Variants in KCNJ5 observed in about 807,000 individuals in gnomAD.
KCNJ5 encodes the protein potassium inwardly rectifying channel subfamily J member 5.
In KCNJ5, 12 loss-of-function variants were observed where a neutral mutation model predicts 20.2. The ratio of observed to expected loss-of-function variants is 0.59; its 90% CI spans 0.38 to 0.96. KCNJ5 has a LOEUF of 0.96. Among genes scored for constraint, KCNJ5 ranks in the 40% least tolerant of loss-of-function variants. The pLI is 0.00. For missense variants in KCNJ5, 449 were observed against 557.6 expected, an observed-to-expected ratio of 0.81 and a Z score of 1.96; for synonymous variants, 210 against 213.9, an observed-to-expected ratio of 0.98 and a Z score of 0.16.
In KCNJ5 at chr11:128,912,041, C is replaced by T. The variant is rs145981328; in HGVS notation, c.768C>T (p.Asp256=). The T allele has an allele frequency of 2.2e-5, 36 of 1,613,960 alleles. No homozygotes were observed. The highest frequency in any genetic ancestry group is 3.0e-5 in the Non-Finnish European group (35 of 1,179,892). The change falls in exon 2 of 3, where the codon GAC becomes GAT. Residue 256 remains aspartate (D), a synonymous_variant. Transcript: ENST00000529694. ...AGTTCATCCCCCTGAACCAGACAGA[C>T]ATCAACGTGGGCTTTGACACGGGCG... ...EGEFIPLNQT[D]INVGFDTGDD...
intron 1 of KCNJ5, chr11:128,903,295 T>C (rs1944323427): frequency 1.9e-6 from 3 of 1,544,806 alleles, no homozygotes; most frequent in Admixed American, 1.8e-5. Context: ...GAAAGCCTAC[T>C]AATTGCACGT....
At position 128,917,923 on chromosome 11, in the gene KCNJ5, C is replaced by G. The variant is rs1371512983; in HGVS notation, c.*1192C>G. 6.6e-6 allele frequency: 1 copy of G among 152,576 alleles called. No individual in the cohort carries two copies. The highest frequency in any genetic ancestry group is 1.5e-5 in the Non-Finnish European group (1 of 68,436). The allele number at this position is 152,576 out of a possible 1,614,324, so 9.5% of individuals were successfully genotyped here. ...ACAAAAAATTAGCCAGGCATGGTGG[C>G]AGGTGCCTGTAGTCCCAGCTACTCG... On this transcript the variant is annotated 3_prime_UTR_variant, in exon 3 of 3. Transcript: ENST00000529694.
Position 128,911,845 on chromosome 11 carries a change from G to C in KCNJ5, c.572G>C (p.Ser191Thr). The C allele has an allele frequency of 6.2e-7, 1 of 1,614,100 alleles. No homozygotes were observed. The highest frequency in any genetic ancestry group is 8.5e-7 in the Non-Finnish European group (1 of 1,179,964). Residue 191 changes from serine to threonine, a missense_variant, in exon 2 of 3, where the codon AGC (serine) becomes ACC (threonine). Physicochemically the swap from Ser to Thr is moderately conservative, Grantham distance 58 (BLOSUM62 1). This residue lies in a region of KCNJ5 where 203 missense variants were observed against 258.0 expected (regional missense o/e 0.79). Transcript: ENST00000529694. The surrounding 1 kb of genome is among the most constrained non-coding windows in gnomAD (Gnocchi z 6.3). ...FMVGCMFVKI[S>T]QPKKRAETLM... is the part of the protein sequence containing the mutation. ...GTGGGGTGCATGTTTGTCAAGATCA[G>C]CCAGCCCAAGAAGAGAGCGGAGACC...
In KCNJ5 at chr11:128,917,082, C is replaced by A. The variant is rs1944596121; in HGVS notation, c.*351C>A. 5.1e-6 allele frequency: 1 copy of A among 194,408 alleles called. No individual in the cohort carries two copies. Among genetic ancestry groups the A allele is most frequent in the African/African-American group, 2.7e-5 (1 of 37,436 alleles). 12.0% of individuals were successfully genotyped at this position (194,408 alleles called of 1,614,324 possible). ...TCTCACAGACCCCTCCAGGGGCTGA[C>A]ACCTAGAGAGAACCATCACCTTGTC... On this transcript the variant is annotated 3_prime_UTR_variant, in exon 3 of 3. Transcript: ENST00000529694.
intron 1 of KCNJ5, among the ~76,000 whole-genome samples, chr11:128,893,118 G>T (rs1773950840): frequency 6.6e-6 from 1 of 152,224 alleles, no homozygotes; most frequent in Admixed American, 6.5e-5. Context: ...GAACGAACAG[G>T]GCAGAGCAAA....
intron 1 of KCNJ5, chr11:128,905,922 T>G (rs1778879963): frequency 6.6e-6 from 1 of 152,114 alleles, no homozygotes; most frequent in African/African-American, 2.4e-5. Context: ...GTTTTCCCCT[T>G]TTGTAAACTG....
rs1236588383 is a variant in KCNJ5 at position 128,891,532 on chromosome 11, G to C, written c.-200G>C. On this transcript the variant is annotated 5_prime_UTR_variant, in exon 1 of 3. Coordinates refer to ENST00000529694, the MANE Select transcript of KCNJ5 (RefSeq NM_000890.5). ...AGTGACCCAAGGGGCCGCGAGTGAAGGGACAGGATGGCTTAGGTACCTCTG... is the reference window on the plus strand; with the variant it reads ...AGTGACCCAAGGGGCCGCGAGTGAACGGACAGGATGGCTTAGGTACCTCTG... 1.3e-5 allele frequency: 2 copies of C among 152,164 alleles called. No homozygotes were observed. Among genetic ancestry groups the C allele is most frequent in the African/African-American group, 4.8e-5 (2 of 41,304 alleles). The allele number at this position is 152,164 out of a possible 1,614,324, so 9.4% of individuals were successfully genotyped here. A position where few individuals can be genotyped will look rare whatever the true frequency, so the allele number is the denominator to read the frequency against.
At chr11:128,897,437 A>G (rs1453063347) in intron 1 of KCNJ5, among the ~76,000 whole-genome samples, 1 of 152,070 alleles carries the variant, frequency 6.6e-6, no homozygotes, top group East Asian at 1.9e-4. Flanking sequence ...CCCCCCATAT[A>G]TCCTCCTTAG....
chr11:128,915,791 T>TTGGA (rs199516705), intron 2 of KCNJ5, among the ~76,000 whole-genome samples: 15,051 of 147,938 alleles, frequency 0.1, 772 homozygotes, highest in East Asian at 0.22. Flanking sequence ...GTATGGATAA[T>TTGGA]TGGATGGATG....
At chr11:128,903,741 C>T (rs78517427) in intron 1 of KCNJ5, among the ~76,000 whole-genome samples, 2,257 of 152,198 alleles carry the variant, frequency 0.015, 48 homozygotes, top group African/African-American at 0.051. Flanking sequence ...TTAGAAACAC[C>T]GAGGAGCAGC....
At chr11:128,892,598 G>A (rs1281942319) in intron 1 of KCNJ5, among the ~76,000 whole-genome samples, 1 of 152,210 alleles carries the variant, frequency 6.6e-6, no homozygotes, top group Non-Finnish European at 1.5e-5. Context: ...CTTTTAATAA[G>A]CTGAGATTAT....
rs1944634340 is a variant in KCNJ5 at position 128,919,265 on chromosome 11, C to G, written c.*2534C>G. 1 of 152,492 alleles carries G rather than the reference C, an allele frequency of 6.6e-6. No homozygotes were observed. Among genetic ancestry groups the G allele is most frequent in the Non-Finnish European group, 1.5e-5 (1 of 68,242 alleles). The allele number at this position is 152,492 out of a possible 1,614,324, so 9.4% of individuals were successfully genotyped here. On this transcript the variant is annotated 3_prime_UTR_variant, in exon 3 of 3. Transcript: ENST00000529694. ...TCATTTATGACTCTGAAACATCCCC[C>G]ACCTGACCAAGGGAGCCACTCTCCA...
intron 1 of KCNJ5, chr11:128,902,807 C>T: frequency 1.4e-6 from 2 of 1,395,076 alleles, no homozygotes; most frequent in Non-Finnish European, 1.9e-6. Flanking sequence ...CGCAGCCCAA[C>T]ATGTCCATGG....
chr11:128,897,081 T>C (rs1944188734), intron 1 of KCNJ5, among the ~76,000 whole-genome samples: 1 of 149,224 alleles, frequency 6.7e-6, no homozygotes, highest in Non-Finnish European at 1.5e-5. Context: ...TGATTACTAA[T>C]ACCGTTTACC....
intron 1 of KCNJ5, among the ~76,000 whole-genome samples, chr11:128,907,126 G>A (rs370168532): frequency 6.6e-6 from 1 of 152,068 alleles, no homozygotes; most frequent in Admixed American, 6.6e-5. Flanking sequence ...ACATAAGCAC[G>A]CCCTCCTCCA....
At chr11:128,904,912 A>G (rs1333451797) in intron 1 of KCNJ5, among the ~76,000 whole-genome samples, 1 of 152,268 alleles carries the variant, frequency 6.6e-6, no homozygotes, top group Non-Finnish European at 1.5e-5. Context: ...GATAGAACAA[A>G]TAGCTGCAAA....
chr11:128,907,041 C>T (rs1041505551), intron 1 of KCNJ5, among the ~76,000 whole-genome samples: 10 of 152,192 alleles, frequency 6.6e-5, no homozygotes, highest in Non-Finnish European at 1.5e-4. Flanking sequence ...TGTTCACCAA[C>T]CAGTTTGGAG....
chr11:128,895,185 G>C (rs554731069), intron 1 of KCNJ5, among the ~76,000 whole-genome samples: 5 of 152,286 alleles, frequency 3.3e-5, no homozygotes, highest in Middle Eastern at 6.8e-3. Flanking sequence ...GTCCGGGGCT[G>C]GGTGTACTGC....
At chr11:128,895,416 T>TGA (rs1944161480) in intron 1 of KCNJ5, among the ~76,000 whole-genome samples, 1 of 136,262 alleles carries the variant, frequency 7.3e-6, no homozygotes, top group Admixed American at 8.3e-5. Context: ...ACTGCACTGC[T>TGA]GAGCACTTGG....
Sources: gnomAD v4.1 joint callset for allele counts (sites outside exome capture counted in the v4.1 genomes callset) on GRCh38, gnomAD v4.1.1 for gene constraint, gnomAD v4.1.1 regional missense constraint, Gnocchi (gnomAD v3.1) non-coding constraint, MANE v1.5 for transcripts, NCBI Gene and HGNC (gene_info 2026-07-23, HGNC 2026-07-21) for gene names.